LETMD1: variants seen among roughly 807,000 people sequenced by gnomAD.
The protein encoded by LETMD1 is LETM1 domain-containing protein 1.
Under a neutral mutation model 43.9 loss-of-function variants are expected in LETMD1, and 30 were observed. That is an observed-to-expected ratio of 0.68 (90% CI 0.51 to 0.93). LETMD1 has a LOEUF of 0.93. Among genes scored for constraint, LETMD1 ranks in the 40% least tolerant of loss-of-function variants. The pLI is 0.00. For synonymous variants in LETMD1, 176 were observed against 163.1 expected, an observed-to-expected ratio of 1.08 and a Z score of -0.60; for missense variants, 413 against 447.7, an observed-to-expected ratio of 0.92 and a Z score of 0.70.
At chr12:51,054,900 A>C (rs1007197828) in intron 4 of LETMD1, among the ~76,000 whole-genome samples, 1 of 152,196 alleles carries the variant, frequency 6.6e-6, no homozygotes, top group Non-Finnish European at 1.5e-5. Flanking sequence ...GGAGATTGAG[A>C]CCATCCTGGC....
downstream of LETMD1, chr12:51,063,919 C>T (rs775963118): frequency 6.8e-6 from 11 of 1,613,886 alleles, no homozygotes; most frequent in East Asian, 2.2e-5. Flanking sequence ...TTACAATCTT[C>T]GGGCAATAGA....
At chr12:51,056,544 G>A (rs1232452731) in intron 7 of LETMD1, 42 bp downstream of exon 7, 3 of 1,612,204 alleles carry the variant, frequency 1.9e-6, no homozygotes, top group Non-Finnish European at 1.7e-6. Flanking sequence ...CCCTTGGTGT[G>A]CTTTTGAGCC....
rs1392950228 is a variant in LETMD1, at chr12:51,055,962, G to T, written c.601G>T (p.Val201Phe). 1 of 1,613,914 alleles carries T rather than the reference G, an allele frequency of 6.2e-7. No homozygotes were observed. The highest frequency in any genetic ancestry group is 8.5e-7 in the Non-Finnish European group (1 of 1,179,966). Reference sequence around the variant, plus strand: ...AGAAATTATTAGTTATTTAGAAAAGGTCATCCCTCTCATTTCTGATGCAGG... The same window carrying T: ...AGAAATTATTAGTTATTTAGAAAAGTTCATCCCTCTCATTTCTGATGCAGG... ...HPEIISYLEK[V>F]IPLISDAGLR... The change falls in exon 5 of 9, where the codon GTC becomes TTC. Residue 201 changes from valine to phenylalanine, a missense_variant. Transcript: ENST00000262055.
intron 2 of LETMD1, among the ~76,000 whole-genome samples, chr12:51,050,825 C>G (rs550482639): frequency 5.0e-4 from 74 of 149,434 alleles, no homozygotes; most frequent in Admixed American, 4.0e-3. Flanking sequence ...ACCAGCCTGA[C>G]CAACATAGAG....
In LETMD1 at chr12:51,049,100, G is replaced by A. The variant is rs750296107; in HGVS notation, c.189G>A (p.Lys63=). The change falls in exon 2 of 9, where the codon AAG becomes AAA. Residue 63 remains lysine (K), a synonymous_variant. Transcript: ENST00000262055. ...VKNLMSYVVT[K]TKAINGKYHR... ...ACTTGATGTCTTATGTGGTAACCAA[G>A]ACAAAAGCGATTAATGGGAAATACC... 7 of 1,613,914 alleles carry A rather than the reference G, an allele frequency of 4.3e-6. No homozygotes were observed. The African/African-American group carries it at 8.0e-5, about 18-fold the overall frequency.
At chr12:51,055,726 G>A in intron 4 of LETMD1, 109 bp from the exon 5 acceptor site, 3 of 480,750 alleles carry the variant, frequency 6.2e-6, no homozygotes, top group Non-Finnish European at 7.6e-6. Flanking sequence ...TAGGGAAATA[G>A]TGTCTCCATC....
At chr12:51,056,320 C>T (rs775249662) in intron 6 of LETMD1, 30 bp from the exon 7 acceptor site, 11 of 1,613,808 alleles carry the variant, frequency 6.8e-6, no homozygotes, top group African/African-American at 6.7e-5. Flanking sequence ...ATACTATTTG[C>T]CTTTCCCCTC....
At chr12:51,061,731 C>CA (rs1384676553), downstream of LETMD1, 4 of 152,148 alleles carry the variant, frequency 2.6e-5, no homozygotes, top group Non-Finnish European at 4.4e-5. Context: ...GGTTTGATCC[C>CA]AAAAGCTAAT....
chr12:51,051,215 C>A (rs1276224853), intron 2 of LETMD1, among the ~76,000 whole-genome samples: 1 of 150,018 alleles, frequency 6.7e-6, no homozygotes, highest in African/African-American at 2.5e-5. Context: ...ACCAGCCTGG[C>A]CAACATGGTG....
At chr12:51,066,857 T>A in the LETMD1 span, among the ~76,000 whole-genome samples, 2 of 152,060 alleles carry the variant, frequency 1.3e-5, no homozygotes, top group Non-Finnish European at 2.9e-5. Flanking sequence ...GACAGGGTCT[T>A]GCTCTGTCGC....
chr12:51,062,640 T>G (rs113415044), downstream of LETMD1: 84 of 152,296 alleles, frequency 5.5e-4, no homozygotes, highest in African/African-American at 2.0e-3. Flanking sequence ...CAATAAACAT[T>G]TGCAATTCTT....
Position 51,056,376 on chromosome 12 carries a change from C to T in LETMD1, c.789C>T (p.Leu263=). 1 of 1,614,236 alleles carries T rather than the reference C, an allele frequency of 6.2e-7. No individual in the cohort carries two copies. The change falls in exon 7 of 9, where the codon CTC becomes CTT. Residue 263 remains leucine, a synonymous_variant. Transcript: ENST00000262055. ...HVKALSRAML[L]TSYLPPPLLR... ...AAGCCTTGAGCCGGGCCATGCTTCT[C>T]ACATCTTACCTGCCTCCTCCCTTGT...
chr12:51,062,787 TC>T (rs754882627), downstream of LETMD1: 1 of 152,288 alleles, frequency 6.6e-6, no homozygotes, highest in African/African-American at 2.4e-5. Context: ...AAAGCTCAGA[TC>T]TCACAAAGAG....
Position 51,059,677 on chromosome 12 carries a change from T to C in LETMD1, c.*246T>C, listed in dbSNP as rs1251317160. On this transcript the variant is annotated 3_prime_UTR_variant, in exon 9 of 9. Coordinates refer to ENST00000262055, the MANE Select transcript of LETMD1 (RefSeq NM_015416.5). The stretch of plus-strand genomic sequence containing the variant: ...GTGAGGTGTCATCCTGTCCCCCTCA[T>C]AATTACTAATAGCTGGAACTGGCAG... 11 of 503,348 alleles carry C rather than the reference T, an allele frequency of 2.2e-5. No individual in the cohort carries two copies. Among genetic ancestry groups the C allele is most frequent in the Non-Finnish European group, 3.6e-5 (10 of 274,122 alleles). The allele number at this position is 503,348 out of a possible 1,614,324, so 31.2% of individuals were successfully genotyped here.
intron 2 of LETMD1, among the ~76,000 whole-genome samples, chr12:51,049,649 G>A (rs1945402878): frequency 6.6e-6 from 1 of 152,190 alleles, no homozygotes; most frequent in South Asian, 2.1e-4. Flanking sequence ...TCAAATCAGA[G>A]ATCCTTAGTT....
At chr12:51,068,289 T>C in the LETMD1 span, among the ~76,000 whole-genome samples, 1 of 152,108 alleles carries the variant, frequency 6.6e-6, no homozygotes. Flanking sequence ...GTAGTTGGGA[T>C]TACAGGCGTG....
chr12:51,062,298 TAATA>T (rs1489992770), downstream of LETMD1: 2 of 152,166 alleles, frequency 1.3e-5, no homozygotes, highest in African/African-American at 4.8e-5. Context: ...TGTGTGTGGT[TAATA>T]AACCATACCA....
chr12:51,062,394 C>G (rs1937666439), downstream of LETMD1: 1 of 152,202 alleles, frequency 6.6e-6, no homozygotes, highest in South Asian at 2.1e-4. Context: ...AGACAAAGAT[C>G]ACTTTGCTAA....
intron 7 of LETMD1, chr12:51,056,742 C>A: frequency 3.1e-6 from 1 of 326,630 alleles, no homozygotes; most frequent in Non-Finnish European, 5.6e-6. Flanking sequence ...GCAACCTCTG[C>A]CTCCCGGTTC....
Sources: gnomAD v4.1 joint callset for allele counts (sites outside exome capture counted in the v4.1 genomes callset) on GRCh38, gnomAD v4.1.1 for gene constraint, MANE v1.5 for transcripts, NCBI Gene and HGNC (gene_info 2026-07-23, HGNC 2026-07-21) for gene names.